Variants in NVL observed in about 807,000 individuals in gnomAD.
The protein encoded by NVL is nuclear valosin-containing protein-like.
In NVL, 84 loss-of-function variants were observed where a neutral mutation model predicts 110.2. The ratio of observed to expected loss-of-function variants is 0.76; its 90% CI spans 0.64 to 0.91. The LOEUF (loss-of-function observed/expected upper bound fraction) is 0.91, where lower values mean the gene tolerates loss of function less well. Among genes scored for constraint, NVL ranks in the 40% least tolerant of loss-of-function variants. NVL has a pLI of 0.00. For synonymous variants in NVL, 354 were observed against 361.1 expected, an observed-to-expected ratio of 0.98 and a Z score of 0.22; for missense variants, 882 against 1,035.9, an observed-to-expected ratio of 0.85 and a Z score of 2.04.
At chr1:224,298,496 CA>C (rs2102674884) in intron 10 of NVL, 1 of 194,514 alleles carries the variant, frequency 5.1e-6, no homozygotes, top group Non-Finnish European at 1.1e-5. Context: ...AAAAGGAAAC[CA>C]AAGGGAAAGT....
rs531432258 is a variant in NVL, at chr1:224,228,807, C to T, written c.2527-1137G>A. ...CAAAAAAATTAGCTGGGCATGGTGG[C>T]GGGCGCCTGTAGTCCCAGCTACTCG... On this transcript the variant is annotated intron_variant, in intron 22 of 22. Coordinates refer to ENST00000281701, the MANE Select transcript of NVL (RefSeq NM_002533.4). Among the ~76,000 whole-genome samples the T allele has an allele frequency of 2.1e-5, 3 of 146,094 alleles. No homozygotes were observed. The East Asian group carries it at 6.3e-4, about 31-fold the overall frequency.
chr1:224,308,115 G>T lies in NVL; in HGVS notation c.491C>A (p.Thr164Asn), dbSNP rs752831124. ...SSKTGSIPLK[T>N]PAKDSEGGWF... ...TCCTCCTTCAGAATCTTTGGCAGGG[G>T]TCTTCAAGGGAATGGAGCCTGTTTT... The change falls in exon 6 of 23, where the codon ACC (threonine) becomes AAC (asparagine). Residue 164 changes from threonine (T) to asparagine (N), a missense_variant. Physicochemically the swap from Thr to Asn is moderately conservative, Grantham distance 65. Transcript: ENST00000281701. 1 of 1,613,868 alleles carries T rather than the reference G, an allele frequency of 6.2e-7. No homozygotes were observed. The highest frequency in any genetic ancestry group is 8.5e-7 in the Non-Finnish European group (1 of 1,179,934).
chr1:224,264,014 C>CAAAA (rs1186628600), intron 18 of NVL, among the ~76,000 whole-genome samples: 23 of 152,050 alleles, frequency 1.5e-4, no homozygotes, highest in Non-Finnish European at 2.5e-4. Context: ...GATTCCGTCT[C>CAAAA]AAAAACAAAC....
At chr1:224,268,335 T>C (rs1455320064) in intron 17 of NVL, among the ~76,000 whole-genome samples, 1 of 152,130 alleles carries the variant, frequency 6.6e-6, no homozygotes, top group African/African-American at 2.4e-5. Flanking sequence ...CCAGTCTAAA[T>C]GAGGAAAGTG....
At chr1:224,323,669 C>G (rs1670870894) in intron 2 of NVL, among the ~76,000 whole-genome samples, 1 of 152,110 alleles carries the variant, frequency 6.6e-6, no homozygotes, top group African/African-American at 2.4e-5. Context: ...GAAGAACGAC[C>G]CTTCAGGAGG....
intron 19 of NVL, among the ~76,000 whole-genome samples, chr1:224,237,815 G>T (rs1437272646): frequency 6.6e-6 from 1 of 150,440 alleles, no homozygotes; most frequent in Non-Finnish European, 1.5e-5. Context: ...TAGGAGCGAT[G>T]GGGTGGCGTG....
At chr1:224,241,864 AAAAAAT>A (rs1661235745) in intron 19 of NVL, among the ~76,000 whole-genome samples, 1 of 150,614 alleles carries the variant, frequency 6.6e-6, no homozygotes, top group African/African-American at 2.4e-5. Context: ...CTCAAAAAAA[AAAAAAT>A]AAAAAGAAAA....
At chr1:224,240,380 GT>G (rs1661050143) in intron 19 of NVL, among the ~76,000 whole-genome samples, 1 of 151,684 alleles carries the variant, frequency 6.6e-6, no homozygotes, top group Non-Finnish European at 1.5e-5. Context: ...ACGCTGGGTA[GT>G]TTTTGTATTT....
At position 224,304,635 on chromosome 1, in the gene NVL, T is replaced by C; in HGVS notation, c.825+101A>G. 4.8e-6 allele frequency: 5 copies of C among 1,039,528 alleles called. 1 individual carries two copies. In the South Asian group the frequency reaches 5.9e-5, roughly 12 times the overall value. 64.4% of individuals were successfully genotyped at this position (1,039,528 alleles called of 1,614,324 possible). On this transcript the variant is annotated intron_variant, in intron 8 of 22. Coordinates refer to ENST00000281701, the MANE Select transcript of NVL (RefSeq NM_002533.4). ...CCCTTCTCAACCTTCCCAGTTTCCT[T>C]TTCTACACCCAGATCATATTAGAAA... is the stretch of plus-strand genomic sequence containing the variant.
intron 18 of NVL, among the ~76,000 whole-genome samples, chr1:224,267,810 C>G (rs188243174): frequency 3.9e-5 from 6 of 152,082 alleles, no homozygotes; most frequent in South Asian, 2.1e-4. Context: ...TTTACTATAG[C>G]TTATGCAAAA....
At chr1:224,255,766 C>T (rs1042040369) in intron 18 of NVL, among the ~76,000 whole-genome samples, 1 of 152,124 alleles carries the variant, frequency 6.6e-6, no homozygotes, top group African/African-American at 2.4e-5. Flanking sequence ...ATGGTTTACG[C>T]TTTTAATATC....
At chr1:224,282,494 C>T (rs1666460976) in intron 15 of NVL, among the ~76,000 whole-genome samples, 1 of 152,318 alleles carries the variant, frequency 6.6e-6, no homozygotes, top group South Asian at 2.1e-4. Flanking sequence ...GAAAATTTAA[C>T]ATCAGTTATC....
rs544969912 is a variant in NVL at position 224,268,622 on chromosome 1, C to T, written c.2083-489G>A. Among the ~76,000 whole-genome samples the T allele has an allele frequency of 1.7e-4, 26 of 151,670 alleles. No individual in the cohort carries two copies. The South Asian group carries it at 5.0e-3, about 29-fold the overall frequency. ...AAGTGCTGGGATTATAGGTGTGAGC[C>T]GCTGCACCCCACCAAGACTAAGCTT... On this transcript the variant is annotated intron_variant, in intron 17 of 22. Coordinates refer to ENST00000281701, the MANE Select transcript of NVL (RefSeq NM_002533.4).
chr1:224,273,050 AAC>A lies in NVL; in HGVS notation c.2082+2287_2082+2288del, dbSNP rs763991041. ...CTCCGTCTCAAAAAAAAACAAAAAAAACAAACAAACAAAAAAAAACACAACAA... is the reference window on the plus strand; with the variant it reads ...CTCCGTCTCAAAAAAAAACAAAAAAAAAACAAACAAAAAAAAACACAACAA... On this transcript the variant is annotated intron_variant, in intron 17 of 22. Transcript: ENST00000281701. 1.4e-4 allele frequency among the ~76,000 whole-genome samples: 20 copies of A among 141,830 alleles called. 1 individual carries two copies. The highest frequency in any genetic ancestry group is 6.1e-4 in the East Asian group (3 of 4,912). The allele number at this position is 141,830 out of a possible 152,430, so 93.0% of individuals were successfully genotyped here.
At chr1:224,277,969 A>T (rs1665935688) in intron 16 of NVL, among the ~76,000 whole-genome samples, 1 of 152,158 alleles carries the variant, frequency 6.6e-6, no homozygotes. Flanking sequence ...TAATTGTTCG[A>T]ATCTTTCAGG....
chr1:224,317,496 A>C (rs1670204719), intron 4 of NVL, among the ~76,000 whole-genome samples, 198 bp downstream of exon 4: 1 of 152,212 alleles, frequency 6.6e-6, no homozygotes, highest in Non-Finnish European at 1.5e-5. Context: ...CTAACTCAAT[A>C]AAACCACCCA....
chr1:224,318,958 C>T (rs1572061772), intron 2 of NVL, among the ~76,000 whole-genome samples: 1 of 149,346 alleles, frequency 6.7e-6, no homozygotes, highest in South Asian at 2.1e-4. Flanking sequence ...CACTGCACTC[C>T]AGCCTGGGCG....
intron 11 of NVL, among the ~76,000 whole-genome samples, chr1:224,296,290 G>T (rs942549774): frequency 6.6e-6 from 1 of 152,078 alleles, no homozygotes; most frequent in Non-Finnish European, 1.5e-5. Flanking sequence ...ATGTTGCCCA[G>T]GCTGGCCTCA....
chr1:224,296,319 A>G (rs1159166153), intron 11 of NVL, among the ~76,000 whole-genome samples, 182 bp downstream of exon 11: 3 of 152,144 alleles, frequency 2.0e-5, no homozygotes, highest in Non-Finnish European at 4.4e-5. Context: ...GGCTCAAGCA[A>G]TCCTCCTACC....
Sources: allele counts gnomAD v4.1 joint callset (sites outside exome capture counted in the v4.1 genomes callset), GRCh38; gene constraint gnomAD v4.1.1; transcripts MANE v1.5; gene names NCBI Gene and HGNC (gene_info 2026-07-23, HGNC 2026-07-21).